DAB1: variants seen among roughly 807,000 people sequenced by gnomAD.
DAB1 encodes the protein DAB adaptor protein 1.
In DAB1, 15 loss-of-function variants were observed where a neutral mutation model predicts 64.6. The observed-to-expected ratio is 0.23, with a 90% CI of 0.16 to 0.36. The LOEUF is 0.36. Among genes scored for constraint, DAB1 ranks in the 10% least tolerant of loss-of-function variants. The pLI is 1.00. For missense variants in DAB1, 596 were observed against 706.7 expected (o/e 0.84, Z 1.78); for synonymous variants, 235 against 251.9 (o/e 0.93, Z 0.64).
At chr1:58,535,661 T>C (rs1646505497) in intron 1 of DAB1, among the ~76,000 whole-genome samples, 3 of 150,648 alleles carry the variant, frequency 2.0e-5, no homozygotes, top group African/African-American at 7.3e-5. Flanking sequence ...TGGACATGAA[T>C]TCGAAAAATA....
chr1:57,357,472 T>G (rs2100882958), intron 1 of DAB1, among the ~76,000 whole-genome samples: 1 of 152,062 alleles, frequency 6.6e-6, no homozygotes, highest in African/African-American at 2.4e-5. Flanking sequence ...TTCAATTTCT[T>G]TTATCACTGA....
chr1:58,033,622 C>T (rs1209485749), intron 5 of DAB1, among the ~76,000 whole-genome samples: 2 of 152,264 alleles, frequency 1.3e-5, no homozygotes, highest in African/African-American at 4.8e-5. Context: ...CTGACTTCTT[C>T]AAAGGTAGTG....
chr1:57,056,920 A>T (rs988576639), intron 9 of DAB1, among the ~76,000 whole-genome samples: 1 of 152,050 alleles, frequency 6.6e-6, no homozygotes, highest in Non-Finnish European at 1.5e-5. Context: ...TTCCCTAGGG[A>T]CTCAAGGAAA....
At chr1:57,721,647 T>C (rs1647152204) in intron 6 of DAB1, among the ~76,000 whole-genome samples, 1 of 152,164 alleles carries the variant, frequency 6.6e-6, no homozygotes, top group African/African-American at 2.4e-5. Context: ...TCTTAGCCAC[T>C]ATGTTGAGCT....
chr1:57,648,460 A>G (rs1047026317), intron 7 of DAB1, among the ~76,000 whole-genome samples: 2 of 152,230 alleles, frequency 1.3e-5, no homozygotes, highest in Non-Finnish European at 2.9e-5. Flanking sequence ...TATAGAAACC[A>G]TCAGTAAAAA....
chr1:57,393,052 C>T (rs1682516713), intron 1 of DAB1, among the ~76,000 whole-genome samples: 1 of 152,122 alleles, frequency 6.6e-6, no homozygotes, highest in African/African-American at 2.4e-5. Context: ...TGAAAGTAAA[C>T]ATTGTATATA....
At chr1:57,702,422 A>G (rs868546721) in intron 6 of DAB1, among the ~76,000 whole-genome samples, 17 of 152,272 alleles carry the variant, frequency 1.1e-4, no homozygotes, top group African/African-American at 4.1e-4. Context: ...GCATAATTCA[A>G]AGGGTGTTGC....
At chr1:57,936,319 C>G (rs1221819692) in intron 5 of DAB1, among the ~76,000 whole-genome samples, 1 of 152,228 alleles carries the variant, frequency 6.6e-6, no homozygotes, top group African/African-American at 2.4e-5. Flanking sequence ...GTCCAAGACA[C>G]CATCAGTTGT....
intron 1 of DAB1, among the ~76,000 whole-genome samples, chr1:57,301,925 G>A (rs1673696206): frequency 6.6e-6 from 1 of 152,112 alleles, no homozygotes; most frequent in Non-Finnish European, 1.5e-5. Context: ...TTCTCCTTCT[G>A]GAGGGAAGAG....
chr1:58,062,845 G>C (rs1302072980), intron 5 of DAB1, among the ~76,000 whole-genome samples: 1 of 152,214 alleles, frequency 6.6e-6, no homozygotes, highest in East Asian at 1.9e-4. Context: ...TGAGTCATTT[G>C]CAAGAAATGT....
In DAB1 at chr1:56,995,733, A is replaced by G. The variant is rs922666644; in HGVS notation, c.*2411T>C. ...GGAGAAGATAGCACCACTTGTTTAG[A>G]ATCAAATCATAGGCAACAAAGCAAT... On this transcript the variant is annotated 3_prime_UTR_variant, in exon 15 of 15. Coordinates refer to ENST00000371236, the MANE Select transcript of DAB1 (RefSeq NM_001365792.1). 1 of 152,206 alleles carries G rather than the reference A, an allele frequency of 6.6e-6. No homozygotes were observed. Among genetic ancestry groups the G allele is most frequent in the African/African-American group, 2.4e-5 (1 of 41,454 alleles). 9.4% of individuals were successfully genotyped at this position (152,206 alleles called of 1,614,324 possible).
intron 2 of DAB1, among the ~76,000 whole-genome samples, chr1:58,512,067 C>A (rs900221431): frequency 2.6e-5 from 4 of 151,840 alleles, no homozygotes; most frequent in African/African-American, 4.8e-5. Context: ...AGCAAAAAAC[C>A]CAATTTAAAA....
intron 5 of DAB1, among the ~76,000 whole-genome samples, chr1:58,004,354 C>A (rs1258160279): frequency 6.6e-6 from 1 of 152,184 alleles, no homozygotes; most frequent in East Asian, 1.9e-4. Context: ...GATTTCAAGG[C>A]AGGCCAGGGG....
At chr1:57,005,044 G>A (rs1324419320) in intron 14 of DAB1, among the ~76,000 whole-genome samples, 3 of 152,156 alleles carry the variant, frequency 2.0e-5, no homozygotes, top group African/African-American at 7.2e-5. Flanking sequence ...CTGGCTGTTA[G>A]GGTAGAAAAG....
intron 2 of DAB1, among the ~76,000 whole-genome samples, chr1:57,241,933 T>C (rs1229484313): frequency 6.6e-6 from 1 of 152,230 alleles, no homozygotes; most frequent in Non-Finnish European, 1.5e-5. Context: ...CTCTTATGAA[T>C]ACTACTTGTC....
At chr1:57,296,206 G>A (rs1570197063) in intron 1 of DAB1, among the ~76,000 whole-genome samples, 1 of 152,146 alleles carries the variant, frequency 6.6e-6, no homozygotes, top group Non-Finnish European at 1.5e-5. Context: ...ATAGGGAAAG[G>A]AAAGCAGGAA....
chr1:57,372,552 G>A (rs770373127), intron 1 of DAB1, among the ~76,000 whole-genome samples: 3 of 152,024 alleles, frequency 2.0e-5, no homozygotes, highest in African/African-American at 4.8e-5. Flanking sequence ...TAATAAAAAC[G>A]GTAATGACCT....
At chr1:57,330,347 A>G (rs11809894) in intron 1 of DAB1, among the ~76,000 whole-genome samples, 26,223 of 152,144 alleles carry the variant, frequency 0.17, 3,195 homozygotes, top group African/African-American at 0.34. Flanking sequence ...AGGGTGGTGC[A>G]GATGTGTGTC....
At chr1:57,007,136 T>C (rs1410240251) in intron 14 of DAB1, among the ~76,000 whole-genome samples, 1 of 152,136 alleles carries the variant, frequency 6.6e-6, no homozygotes, top group East Asian at 1.9e-4. Context: ...GGTAATATGT[T>C]ATATGTCTTG....
Sources: allele counts gnomAD v4.1 joint callset (sites outside exome capture counted in the v4.1 genomes callset), GRCh38; gene constraint gnomAD v4.1.1; transcripts MANE v1.5; gene names NCBI Gene and HGNC (gene_info 2026-07-23, HGNC 2026-07-21).